ADGRB3: variants seen among roughly 807,000 people sequenced by gnomAD.
ADGRB3 encodes the protein adhesion G protein-coupled receptor B3.
ADGRB3 carries 37 observed loss-of-function variants against 193.4 expected under a neutral mutation model. The ratio of observed to expected loss-of-function variants is 0.19; its 90% CI spans 0.15 to 0.25. The LOEUF (loss-of-function observed/expected upper bound fraction) is 0.25. Among genes scored for constraint, ADGRB3 ranks in the 10% least tolerant of loss-of-function variants. ADGRB3 has a pLI of 1.00. For synonymous variants in ADGRB3, 690 were observed against 644.2 expected (o/e 1.07, Z -1.08); for missense variants, 1,637 against 1,852.9 (o/e 0.88, Z 2.14).
At chr6:69,156,141 A>G (rs958189729) in intron 17 of ADGRB3, among the ~76,000 whole-genome samples, 2 of 152,184 alleles carry the variant, frequency 1.3e-5, no homozygotes, top group Non-Finnish European at 2.9e-5. Flanking sequence ...CTTTTTTTCA[A>G]TAAAATGTCA....
chr6:68,877,364 A>C (rs1214653454), intron 3 of ADGRB3, among the ~76,000 whole-genome samples: 1 of 144,116 alleles, frequency 6.9e-6, no homozygotes, highest in Non-Finnish European at 1.5e-5. Flanking sequence ...GTATATGTTC[A>C]AAATAAAGAA....
chr6:69,058,937 T>C (rs1227265716), intron 15 of ADGRB3, among the ~76,000 whole-genome samples: 1 of 152,118 alleles, frequency 6.6e-6, no homozygotes, highest in Non-Finnish European at 1.5e-5. Context: ...GTATGGAGTG[T>C]TCTGCATGTG....
At chr6:69,212,989 G>A (rs1216583117) in intron 17 of ADGRB3, among the ~76,000 whole-genome samples, 1 of 152,138 alleles carries the variant, frequency 6.6e-6, no homozygotes, top group Non-Finnish European at 1.5e-5. Flanking sequence ...AAGTGTTCCT[G>A]TAATATGATC....
chr6:69,143,699 T>A (rs1774403230), intron 17 of ADGRB3, among the ~76,000 whole-genome samples: 1 of 152,212 alleles, frequency 6.6e-6, no homozygotes, highest in Admixed American at 6.5e-5. Context: ...TATAGTTGTA[T>A]GGATTTTTTT....
Position 68,960,988 on chromosome 6 carries a change from C to T in ADGRB3, c.1525+4179C>T, listed in dbSNP as rs10945149. On this transcript the variant is annotated intron_variant, in intron 8 of 31. Transcript: ENST00000370598. ...AATACAGTCCTCTACCTCTGTTCCACTGGAGAAAGTTGAAATATCACCTCA... is the reference window on the plus strand; with the variant it reads ...AATACAGTCCTCTACCTCTGTTCCATTGGAGAAAGTTGAAATATCACCTCA... Among the ~76,000 whole-genome samples, 188 of 152,280 alleles carry T rather than the reference C, an allele frequency of 1.2e-3. No homozygotes were observed. The East Asian group carries it at 0.027, about 22-fold the overall frequency.
intron 3 of ADGRB3, among the ~76,000 whole-genome samples, chr6:68,654,882 A>G (rs1044357541): frequency 6.6e-6 from 1 of 151,894 alleles, no homozygotes; most frequent in African/African-American, 2.4e-5. Flanking sequence ...TCAGATCAGT[A>G]TTCTACGAAT....
chr6:68,785,750 T>A (rs543870064), intron 3 of ADGRB3, among the ~76,000 whole-genome samples: 139 of 152,274 alleles, frequency 9.1e-4, no homozygotes, highest in African/African-American at 3.3e-3. Context: ...CCACAATGGT[T>A]GAAATGGTTT....
intron 26 of ADGRB3, among the ~76,000 whole-genome samples, chr6:69,340,224 A>G (rs1252798111): frequency 6.6e-6 from 1 of 152,224 alleles, no homozygotes; most frequent in African/African-American, 2.4e-5. Flanking sequence ...GACACTAACT[A>G]GCACCAGATC....
chr6:68,722,287 G>A (rs974523905), intron 3 of ADGRB3, among the ~76,000 whole-genome samples: 2 of 151,724 alleles, frequency 1.3e-5, no homozygotes, highest in Non-Finnish European at 2.9e-5. Context: ...AGAACACATG[G>A]ACACAGGGAG....
chr6:68,860,356 CA>C (rs1765118796), intron 3 of ADGRB3, among the ~76,000 whole-genome samples: 1 of 152,110 alleles, frequency 6.6e-6, no homozygotes, highest in African/African-American at 2.4e-5. Context: ...ATATTGTACC[CA>C]ATAGTTGATT....
intron 16 of ADGRB3, among the ~76,000 whole-genome samples, chr6:69,074,457 A>G (rs1246220312): frequency 6.7e-6 from 1 of 149,414 alleles, no homozygotes; most frequent in African/African-American, 2.5e-5. Context: ...CTGAAGCCTG[A>G]GGGCTGGGTC....
chr6:68,884,246 C>G (rs117778248), intron 3 of ADGRB3, among the ~76,000 whole-genome samples: 1 of 152,156 alleles, frequency 6.6e-6, no homozygotes, highest in African/African-American at 2.4e-5. Context: ...GGCACAGTGC[C>G]AGGCACGGGG....
chr6:68,840,031 G>A (rs1169617810), intron 3 of ADGRB3, among the ~76,000 whole-genome samples: 1 of 152,094 alleles, frequency 6.6e-6, no homozygotes. Flanking sequence ...ACCCAGAGGG[G>A]AATCGCCCAT....
At chr6:68,637,075 A>G (rs1246308331) in intron 1 of ADGRB3, among the ~76,000 whole-genome samples, 2 of 151,380 alleles carry the variant, frequency 1.3e-5, no homozygotes, top group East Asian at 1.9e-4. Context: ...TGCATTATTC[A>G]TTGAGCTATT....
At chr6:68,749,506 C>T (rs928983618) in intron 3 of ADGRB3, among the ~76,000 whole-genome samples, 4 of 150,010 alleles carry the variant, frequency 2.7e-5, no homozygotes, top group Non-Finnish European at 4.4e-5. Context: ...ATTTTATTGA[C>T]AGTATTGCAT....
At chr6:68,987,824 T>C (rs1769123255) in intron 10 of ADGRB3, among the ~76,000 whole-genome samples, 1 of 152,132 alleles carries the variant, frequency 6.6e-6, no homozygotes, top group Non-Finnish European at 1.5e-5. Flanking sequence ...ATGCTTGCGA[T>C]ATAATCAGAA....
At chr6:69,122,993 C>CATGTGT (rs1554148498) in intron 17 of ADGRB3, among the ~76,000 whole-genome samples, 2 of 148,620 alleles carry the variant, frequency 1.3e-5, no homozygotes, top group Non-Finnish European at 3.0e-5. Context: ...TATACACATA[C>CATGTGT]GTGTGAGTGT....
At chr6:68,807,451 A>G (rs529636530) in intron 3 of ADGRB3, among the ~76,000 whole-genome samples, 349 of 151,902 alleles carry the variant, frequency 2.3e-3, no homozygotes, top group African/African-American at 8.0e-3. Context: ...CGTGTTAGCC[A>G]GGATGGTCTC....
chr6:68,723,253 C>T (rs1414727312), intron 3 of ADGRB3, among the ~76,000 whole-genome samples: 10 of 151,676 alleles, frequency 6.6e-5, no homozygotes, highest in South Asian at 2.1e-4. Flanking sequence ...TTCCTCTATG[C>T]TTTTCTCTTT....
Sources: allele counts gnomAD v4.1 joint callset (sites outside exome capture counted in the v4.1 genomes callset), GRCh38; gene constraint gnomAD v4.1.1; transcripts MANE v1.5; gene names NCBI Gene and HGNC (gene_info 2026-07-23, HGNC 2026-07-21).